PHLDB2: variants seen among roughly 807,000 people sequenced by gnomAD.
PHLDB2 encodes pleckstrin homology-like domain family B member 2.
In PHLDB2, 71 loss-of-function variants were observed where a neutral mutation model predicts 123.6. The observed-to-expected ratio is 0.57, with a 90% CI of 0.47 to 0.70. The LOEUF (loss-of-function observed/expected upper bound fraction) is 0.70. PHLDB2 is among the 30% of genes least tolerant of loss of function. The pLI, the probability that PHLDB2 is intolerant of heterozygous loss-of-function variation, is 0.00. For synonymous variants in PHLDB2, 547 were observed against 541.6 expected (o/e 1.01, Z -0.14); for missense variants, 1,446 against 1,519.5 (o/e 0.95, Z 0.80).
At chr3:111,917,097 A>G (rs1287444434) in intron 3 of PHLDB2, 1 of 152,132 alleles carries the variant, frequency 6.6e-6, no homozygotes, top group African/African-American at 2.4e-5. Context: ...CATTGTCCTC[A>G]CCCCATTCTA....
chr3:111,830,973 G>GAAAGAAAGAA (rs1559855058), intron 1 of PHLDB2, among the ~76,000 whole-genome samples: 2 of 36,632 alleles, frequency 5.5e-5, no homozygotes, highest in African/African-American at 1.6e-4. Context: ...AAGAAAGAAA[G>GAAAGAAAGAA]AAAGAAAGAA....
Position 111,899,458 on chromosome 3 carries a change from AT to A in PHLDB2, c.1336-13853del, listed in dbSNP as rs199540104. ...CCCAAGCAGTAATATTTTTAAAGGA[AT>A]TTTTTTTCCCCTGAGCAGTAGATCT... On this transcript the variant is annotated intron_variant, in intron 2 of 17. Coordinates refer to ENST00000431670, the MANE Select transcript of PHLDB2 (RefSeq NM_001134438.2). 5.4e-3 allele frequency among the ~76,000 whole-genome samples: 820 copies of A among 152,082 alleles called. 5 individuals carry two copies. Among genetic ancestry groups the A allele is most frequent in the African/African-American group, 0.016 (681 of 41,488 alleles).
intron 17 of PHLDB2, 66 bp from the exon 18 acceptor site, chr3:111,974,357 C>G: frequency 7.2e-7 from 1 of 1,388,044 alleles, no homozygotes; most frequent in Non-Finnish European, 9.6e-7. Flanking sequence ...CATCACATGT[C>G]TGTGTTATTT....
rs1001743566 is a variant in PHLDB2, at chr3:111,786,634, G to A, written c.-49+53931G>A. 2.6e-4 allele frequency among the ~76,000 whole-genome samples: 39 copies of A among 152,150 alleles called. 1 individual carries two copies. Among genetic ancestry groups the A allele is most frequent in the Middle Eastern group, 3.4e-3 (1 of 294 alleles). On this transcript the variant is annotated intron_variant, in intron 1 of 17. Transcript: ENST00000393923. ...AAGTGGGAGGATAAGACAGAGCATC[G>A]GCAACTTAGGGGATTGGCAGACAAG...
intron 2 of PHLDB2, among the ~76,000 whole-genome samples, chr3:111,890,074 AAAAC>A (rs1157190881): frequency 8.5e-5 from 13 of 152,332 alleles, no homozygotes; most frequent in Admixed American, 3.3e-4. Flanking sequence ...CACAAATAGA[AAAAC>A]AAATTATAAA....
At chr3:111,865,211 A>C (rs950940230) in intron 1 of PHLDB2, among the ~76,000 whole-genome samples, 6 of 152,220 alleles carry the variant, frequency 3.9e-5, no homozygotes, top group Non-Finnish European at 8.8e-5. Context: ...AAACAGCTTA[A>C]GATTTATTAA....
intron 9 of PHLDB2, among the ~76,000 whole-genome samples, chr3:111,946,109 C>T (rs902726251): frequency 6.6e-5 from 10 of 151,950 alleles, no homozygotes; most frequent in Admixed American, 1.3e-4. Context: ...GCAACCTCCG[C>T]TTCCTGGGTT....
At chr3:111,760,744 G>C (rs2059978293) in intron 1 of PHLDB2, among the ~76,000 whole-genome samples, 1 of 151,900 alleles carries the variant, frequency 6.6e-6, no homozygotes, top group Admixed American at 6.6e-5. Context: ...AGCAAAATTT[G>C]AATCAGAGCT....
upstream of PHLDB2, among the ~76,000 whole-genome samples, chr3:111,854,988 G>A (rs1465088920): frequency 6.6e-6 from 1 of 152,164 alleles, no homozygotes; most frequent in East Asian, 1.9e-4. Flanking sequence ...AGGTTGTTTT[G>A]ACCCAGGGGC....
intron 1 of PHLDB2, among the ~76,000 whole-genome samples, chr3:111,839,186 C>G (rs1253199606): frequency 6.8e-6 from 1 of 147,802 alleles, no homozygotes; most frequent in Non-Finnish European, 1.5e-5. Context: ...CTCTTCCAGA[C>G]TGAAACAAAC....
intron 8 of PHLDB2, among the ~76,000 whole-genome samples, chr3:111,943,844 T>C (rs1246398917): frequency 6.6e-6 from 1 of 152,180 alleles, no homozygotes; most frequent in African/African-American, 2.4e-5. Flanking sequence ...TTAACATCCA[T>C]CTATGACCCA....
At chr3:111,870,129 TGAGA>T in intron 1 of PHLDB2, among the ~76,000 whole-genome samples, 1 of 152,110 alleles carries the variant, frequency 6.6e-6, no homozygotes, top group East Asian at 1.9e-4. Context: ...AAAGCCAGGA[TGAGA>T]GAGTGAGAGA....
intron 1 of PHLDB2, among the ~76,000 whole-genome samples, chr3:111,775,395 T>C (rs968224764): frequency 6.6e-6 from 1 of 152,196 alleles, no homozygotes; most frequent in Non-Finnish European, 1.5e-5. Flanking sequence ...ATGTAGATGA[T>C]ACTTTAGAAA....
chr3:111,732,978 A>C (rs1941551581), intron 1 of PHLDB2, among the ~76,000 whole-genome samples: 1 of 152,216 alleles, frequency 6.6e-6, no homozygotes, highest in Non-Finnish European at 1.5e-5. Flanking sequence ...AACAAATTAT[A>C]TGTGCGATTT....
chr3:111,968,733 C>T (rs373655633), intron 15 of PHLDB2, among the ~76,000 whole-genome samples: 9 of 152,052 alleles, frequency 5.9e-5, no homozygotes, highest in South Asian at 2.1e-4. Flanking sequence ...CATAATCAAA[C>T]GTTAAGTATT....
chr3:111,813,057 T>A (rs773066971), intron 1 of PHLDB2, among the ~76,000 whole-genome samples: 4 of 152,152 alleles, frequency 2.6e-5, no homozygotes, highest in Non-Finnish European at 5.9e-5. Flanking sequence ...TCTAGCAGAG[T>A]GCTTTAGCAC....
chr3:111,953,666 T>G, intron 11 of PHLDB2: 1 of 332,364 alleles, frequency 3.0e-6, no homozygotes, highest in Non-Finnish European at 5.6e-6. Flanking sequence ...TTTCAGGTGA[T>G]TTTGGACAGT....
rs147735701 is a variant in PHLDB2, at chr3:111,892,122, A to G, written c.1335+6710A>G. ...ATGTTGTAATGTGATACCAGCTCTC[A>G]TGAAGCATCATGGAGTAAGTTTTTC... On this transcript the variant is annotated intron_variant, in intron 2 of 17. Coordinates refer to ENST00000431670, the MANE Select transcript of PHLDB2 (RefSeq NM_001134438.2). 2.6e-5 allele frequency among the ~76,000 whole-genome samples: 4 copies of G among 152,360 alleles called. No individual in the cohort carries two copies. The East Asian group carries it at 5.8e-4, about 22-fold the overall frequency.
At position 111,884,124 on chromosome 3, in the gene PHLDB2, G is replaced by A. The variant is rs2066065877; in HGVS notation, c.47G>A (p.Gly16Asp). The change falls in exon 2 of 18, where the codon GGT becomes GAT. Residue 16 changes from glycine to aspartate, a missense_variant. Gly to Asp is a moderately conservative substitution (Grantham distance 94). Transcript: ENST00000431670. ...YIQKELDLQN[G>D]SLEEDSVVHS... ...CAAAAGGAGCTAGATTTACAAAATG[G>A]TAGCTTAGAGGAAGACTCTGTGGTG... 2 of 1,613,948 alleles carry A rather than the reference G, an allele frequency of 1.2e-6. No individual in the cohort carries two copies. Among genetic ancestry groups the A allele is most frequent in the Non-Finnish European group, 1.7e-6 (2 of 1,179,836 alleles).
Sources: gnomAD v4.1 joint callset for allele counts (sites outside exome capture counted in the v4.1 genomes callset) on GRCh38, gnomAD v4.1.1 for gene constraint, MANE v1.5 for transcripts, NCBI Gene and HGNC (gene_info 2026-07-23, HGNC 2026-07-21) for gene names.